Variants in TBXAS1 observed in about 807,000 individuals in gnomAD.
The protein encoded by TBXAS1 is thromboxane-A synthase.
In TBXAS1, 48 loss-of-function variants were observed where a neutral mutation model predicts 60.7. That is an observed-to-expected ratio of 0.79 (90% CI 0.63 to 1.01). The LOEUF is 1.01. TBXAS1 is among the 50% of genes least tolerant of loss of function. The pLI is 0.00. For missense variants in TBXAS1, 685 were observed against 686.3 expected (o/e 1.00, Z 0.02); for synonymous variants, 287 against 269.7 (o/e 1.06, Z -0.63).
At chr7:139,986,737 ATACATACATATATATATATGTG>A (rs1354925309) in intron 9 of TBXAS1, among the ~76,000 whole-genome samples, 6 of 38,430 alleles carry the variant, frequency 1.6e-4, no homozygotes, top group African/African-American at 8.7e-4. Context: ...ATATATATAT[ATACATACATATATATATATGTG>A]TGTGTGTGTG....
At chr7:139,785,204 C>T (rs1393303109) in intron 3 of TBXAS1, among the ~76,000 whole-genome samples, 1 of 152,146 alleles carries the variant, frequency 6.6e-6, no homozygotes, top group Non-Finnish European at 1.5e-5. Context: ...CTTCTCCCTT[C>T]ACCCTGTTTC....
chr7:139,999,331 C>G lies in TBXAS1; in HGVS notation c.1135-7760C>G, dbSNP rs1267558803. The stretch of plus-strand genomic sequence containing the variant: ...CCTGAGGTCAGGAGTTCAAGACCAG[C>G]CTGGCCAACATGGTAAAACCCCGTC... On this transcript the variant is annotated intron_variant, in intron 9 of 12. Coordinates refer to ENST00000448866, the MANE Select transcript of TBXAS1 (RefSeq NM_001061.7). The surrounding 1 kb of genome is among the most constrained non-coding windows in gnomAD (Gnocchi z 4.3). Among the ~76,000 whole-genome samples, 1 of 152,346 alleles carries G rather than the reference C, an allele frequency of 6.6e-6. No homozygotes were observed. The highest frequency in any genetic ancestry group is 2.4e-5 in the African/African-American group (1 of 41,578).
At chr7:140,019,865 C>T (rs994508753) in intron 12 of TBXAS1, among the ~76,000 whole-genome samples, 160 bp from the exon 13 acceptor site, 5 of 152,156 alleles carry the variant, frequency 3.3e-5, no homozygotes, top group East Asian at 3.8e-4. Context: ...TCAGCAGGGA[C>T]GGCTGGAGTC....
chr7:139,992,477 G>A (rs1812987263), intron 9 of TBXAS1, among the ~76,000 whole-genome samples: 1 of 152,232 alleles, frequency 6.6e-6, no homozygotes, highest in African/African-American at 2.4e-5. Context: ...CCATGTCTCT[G>A]GGGGCCGTTT....
At chr7:140,005,130 T>G (rs1009989056) in intron 9 of TBXAS1, among the ~76,000 whole-genome samples, 7 of 152,146 alleles carry the variant, frequency 4.6e-5, no homozygotes, top group Admixed American at 3.9e-4. Context: ...AAAGCACAGA[T>G]TCAAAGATAA....
At chr7:139,892,351 G>T (rs1168202810) in intron 3 of TBXAS1, among the ~76,000 whole-genome samples, 2 of 152,144 alleles carry the variant, frequency 1.3e-5, no homozygotes, top group Non-Finnish European at 2.9e-5. Flanking sequence ...CCAGCACTTT[G>T]GGAGGCCGAG....
In TBXAS1 at chr7:139,916,382, T is replaced by A. The variant is rs1232791559; in HGVS notation, c.333+5061T>A. Among the ~76,000 whole-genome samples the A allele has an allele frequency of 2.0e-5, 3 of 152,124 alleles. No individual in the cohort carries two copies. The highest frequency in any genetic ancestry group is 7.2e-5 in the African/African-American group (3 of 41,424). On this transcript the variant is annotated intron_variant, in intron 4 of 12. Coordinates refer to ENST00000448866, the MANE Select transcript of TBXAS1 (RefSeq NM_001061.7). This position sits in a 1 kb window ranked among gnomAD's most constrained non-coding sequence, Gnocchi z 4.2. ...AGTGCTTTGGAGATGTGGGTTCTGG[T>A]CTGGAGTGGCAGTATGGAGTGCCAT...
intron 9 of TBXAS1, among the ~76,000 whole-genome samples, chr7:139,995,500 C>T (rs993742188): frequency 4.6e-5 from 7 of 152,078 alleles, no homozygotes; most frequent in African/African-American, 1.7e-4. Flanking sequence ...GGGGGCGTGG[C>T]CATGCTGCAT....
At chr7:139,909,303 G>C (rs751132603) in intron 3 of TBXAS1, among the ~76,000 whole-genome samples, 3 of 152,166 alleles carry the variant, frequency 2.0e-5, no homozygotes, top group Non-Finnish European at 4.4e-5. Context: ...TTGCTCTGGA[G>C]GGGGGTTGAG....
chr7:139,825,783 T>A (rs1798420569), upstream of TBXAS1, among the ~76,000 whole-genome samples: 1 of 152,186 alleles, frequency 6.6e-6, no homozygotes, highest in Non-Finnish European at 1.5e-5. Flanking sequence ...TAAGGCTTGG[T>A]CAGTGTTTCT....
chr7:139,783,095 G>A (rs1455523020), intron 3 of TBXAS1, among the ~76,000 whole-genome samples: 1 of 152,156 alleles, frequency 6.6e-6, no homozygotes, highest in East Asian at 1.9e-4. Flanking sequence ...TAAAAGAGTA[G>A]ACATTTCATT....
In TBXAS1 at chr7:139,896,033, G is replaced by A. The variant is rs1381622464; in HGVS notation, c.237-15192G>A. 6.6e-6 allele frequency among the ~76,000 whole-genome samples: 1 copy of A among 152,198 alleles called. No homozygotes were observed. Among genetic ancestry groups the A allele is most frequent in the Non-Finnish European group, 1.5e-5 (1 of 68,020 alleles). ...GGCTTCAGAGTTGAAAGCTCCTTCT[G>A]CCAGGAGGAGTAATAGGGAAGCCAA... On this transcript the variant is annotated intron_variant, in intron 3 of 12. Transcript: ENST00000448866. This position sits in a 1 kb window ranked among gnomAD's most constrained non-coding sequence, Gnocchi z 4.0.
At chr7:139,810,263 G>C (rs558660535) in intron 4 of TBXAS1, among the ~76,000 whole-genome samples, 2 of 152,070 alleles carry the variant, frequency 1.3e-5, no homozygotes, top group South Asian at 4.2e-4. Flanking sequence ...TCTCAAACTT[G>C]TGAGCTCAAA....
intron 5 of TBXAS1, among the ~76,000 whole-genome samples, chr7:139,951,323 T>A (rs1809235676): frequency 6.6e-6 from 1 of 151,830 alleles, no homozygotes. Flanking sequence ...TCTCAGGAAG[T>A]GATTCATTTA....
chr7:139,853,352 A>C (rs1042161259), intron 1 of TBXAS1, among the ~76,000 whole-genome samples: 1 of 152,206 alleles, frequency 6.6e-6, no homozygotes, highest in African/African-American at 2.4e-5. Flanking sequence ...AGTGAGAAAC[A>C]GTAGGGCCTG....
chr7:139,810,981 G>A, intron 4 of TBXAS1, among the ~76,000 whole-genome samples: 1 of 152,210 alleles, frequency 6.6e-6, no homozygotes. Context: ...AAAACCTAGA[G>A]AGATTTTATT....
intron 4 of TBXAS1, among the ~76,000 whole-genome samples, chr7:139,798,092 A>G (rs1797618550): frequency 6.6e-6 from 1 of 152,052 alleles, no homozygotes; most frequent in South Asian, 2.1e-4. Flanking sequence ...ATTTTTTTTA[A>G]CAGACAGAAG....
At chr7:139,901,855 C>T (rs1804608182) in intron 3 of TBXAS1, among the ~76,000 whole-genome samples, 1 of 151,958 alleles carries the variant, frequency 6.6e-6, no homozygotes, top group South Asian at 2.1e-4. Flanking sequence ...CTGGGCCCTA[C>T]CCAGGCCTGC....
intron 11 of TBXAS1, 80 bp from the exon 12 acceptor site, chr7:140,017,591 G>A: frequency 6.3e-7 from 1 of 1,575,228 alleles, no homozygotes; most frequent in South Asian, 1.1e-5. Context: ...TCAGATGCAG[G>A]GGTGGCTCAG....
Sources: gnomAD v4.1 joint callset for allele counts (sites outside exome capture counted in the v4.1 genomes callset) on GRCh38, gnomAD v4.1.1 for gene constraint, Gnocchi (gnomAD v3.1) non-coding constraint, MANE v1.5 for transcripts, NCBI Gene and HGNC (gene_info 2026-07-23, HGNC 2026-07-21) for gene names.